XPA: variants seen among roughly 807,000 people sequenced by gnomAD.
The protein encoded by XPA is XPA, DNA damage recognition and repair factor.
XPA carries 27 observed loss-of-function variants against 35.7 expected under a neutral mutation model. That is an observed-to-expected ratio of 0.76 (90% CI 0.56 to 1.04). The LOEUF is 1.04. Among genes scored for constraint, XPA ranks in the 50% least tolerant of loss-of-function variants. The pLI, the probability that XPA is intolerant of heterozygous loss-of-function variation, is 0.00. For synonymous variants in XPA, 133 were observed against 118.4 expected (o/e 1.12, Z -0.80); for missense variants, 354 against 342.7 (o/e 1.03, Z -0.26).
At chr9:97,655,717 T>C in the XPA span, 2 of 1,612,676 alleles carry the variant, frequency 1.2e-6, no homozygotes, top group Non-Finnish European at 1.7e-6. Flanking sequence ...TTAATTGGTT[T>C]TCTCATCATC....
At chr9:97,689,024 GA>G (rs1310975584) in intron 3 of XPA, among the ~76,000 whole-genome samples, 3 of 152,152 alleles carry the variant, frequency 2.0e-5, no homozygotes, top group Admixed American at 6.5e-5. Flanking sequence ...AAAAAAAAAG[GA>G]TAAAGTCTAG....
intron 1 of XPA, among the ~76,000 whole-genome samples, chr9:97,694,122 T>G (rs1564050752): frequency 6.6e-6 from 1 of 152,212 alleles, no homozygotes; most frequent in Non-Finnish European, 1.5e-5. Flanking sequence ...AAAAAGGACT[T>G]AAATGGAGAA....
the XPA span, chr9:97,664,327 T>A: frequency 3.3e-6 from 5 of 1,531,424 alleles, no homozygotes; most frequent in Non-Finnish European, 4.5e-6. Flanking sequence ...CTTGAATAAT[T>A]CTCTCATTGT....
the XPA span, among the ~76,000 whole-genome samples, chr9:97,665,733 T>G: frequency 6.6e-6 from 1 of 152,150 alleles, no homozygotes; most frequent in Non-Finnish European, 1.5e-5. Context: ...ACAACAGGGG[T>G]TAGAGACACC....
chr9:97,655,112 T>G, the XPA span, among the ~76,000 whole-genome samples: 2 of 152,210 alleles, frequency 1.3e-5, no homozygotes, highest in Non-Finnish European at 2.9e-5. Context: ...TAACATTACG[T>G]TTTTTGATGT....
chr9:97,697,279 T>C lies in XPA; in HGVS notation c.14A>G (p.Asp5Gly). 6.3e-7 allele frequency: 1 copy of C among 1,598,530 alleles called. No homozygotes were observed. The highest frequency in any genetic ancestry group is 8.5e-7 in the Non-Finnish European group (1 of 1,179,186). ...AGCCGCCGCCTCCGGCAAAGCCCCG[T>C]CGGCCGCCGCCATCTCTGGCCCACT... The part of the protein sequence containing the change: MAAA[D>G]GALPEAAALE... Residue 5 changes from aspartate (D) to glycine (G), a missense_variant, in exon 1 of 6, where the codon GAC becomes GGC. Physicochemically the swap from Asp to Gly is moderately conservative, Grantham distance 94. Transcript: ENST00000375128.
chr9:97,685,005 T>C lies in XPA; in HGVS notation c.591A>G (p.Gln197=), dbSNP rs2131393352. 4 of 1,613,776 alleles carry C rather than the reference T, an allele frequency of 2.5e-6. No individual in the cohort carries two copies. Among genetic ancestry groups the C allele is most frequent in the Middle Eastern group, 1.7e-4 (1 of 6,058 alleles). Residue 197 remains glutamine (Q), a synonymous_variant, in exon 5 of 6, where the codon CAA becomes CAG. Transcript: ENST00000375128. ...VKRSLEVWGS[Q]EALEEAKEVR... is the part of the protein sequence containing the mutation. ...CTTCCTTTGCTTCTTCTAATGCTTCTTGACTACCCCAAACTTCAAGAGACC... is the reference window on the plus strand; with the variant it reads ...CTTCCTTTGCTTCTTCTAATGCTTCCTGACTACCCCAAACTTCAAGAGACC...
the XPA span, among the ~76,000 whole-genome samples, chr9:97,665,187 G>C: frequency 6.6e-6 from 1 of 152,198 alleles, no homozygotes; most frequent in Admixed American, 6.5e-5. Context: ...GAATTGTTAG[G>C]GTGATAGGGT....
At chr9:97,692,846 C>T (rs1219296883) in intron 2 of XPA, among the ~76,000 whole-genome samples, 1 of 151,974 alleles carries the variant, frequency 6.6e-6, no homozygotes, top group Non-Finnish European at 1.5e-5. Context: ...ATCCTGAAAC[C>T]ATCCCCAGCC....
chr9:97,694,464 A>G (rs776139504), intron 1 of XPA, among the ~76,000 whole-genome samples: 3 of 152,274 alleles, frequency 2.0e-5, no homozygotes, highest in Non-Finnish European at 4.4e-5. Flanking sequence ...AGATTTGAAC[A>G]GGCACTTCAC....
the XPA span, chr9:97,664,454 T>A: frequency 6.4e-7 from 1 of 1,554,606 alleles, no homozygotes; most frequent in Non-Finnish European, 8.9e-7. Flanking sequence ...GTAATATAAA[T>A]TATTTTATGA....
chr9:97,674,488 A>G (rs552720482), downstream of XPA, among the ~76,000 whole-genome samples: 5 of 152,356 alleles, frequency 3.3e-5, no homozygotes, highest in East Asian at 7.7e-4. Flanking sequence ...ATGTCATGTC[A>G]AACAATTTGA....
At chr9:97,671,276 C>A, downstream of XPA, 1 of 1,046,972 alleles carries the variant, frequency 9.6e-7, no homozygotes, top group Non-Finnish European at 1.4e-6. Flanking sequence ...GGTTTGAATG[C>A]TTGCTTTCTT....
chr9:97,666,375 T>C, the XPA span, among the ~76,000 whole-genome samples: 1 of 152,138 alleles, frequency 6.6e-6, no homozygotes, highest in Non-Finnish European at 1.5e-5. Context: ...AGTCTCAGGT[T>C]AGGTCACCAT....
chr9:97,690,260 GAGTGC>G (rs1828844773), intron 2 of XPA, among the ~76,000 whole-genome samples: 1 of 152,150 alleles, frequency 6.6e-6, no homozygotes. Context: ...ACCCAGGCTG[GAGTGC>G]AGTGGCACGA....
At chr9:97,679,994 A>G (rs1828486655) in intron 5 of XPA, among the ~76,000 whole-genome samples, 1 of 152,188 alleles carries the variant, frequency 6.6e-6, no homozygotes, top group Non-Finnish European at 1.5e-5. Context: ...GCACTGCAAA[A>G]TGTCAATGTC....
intron 3 of XPA, among the ~76,000 whole-genome samples, chr9:97,688,413 G>A (rs750913025): frequency 9.9e-5 from 15 of 152,040 alleles, no homozygotes; most frequent in East Asian, 3.8e-4. Context: ...GCTTGTATTC[G>A]GTCTACCTGG....
chr9:97,684,081 C>A (rs1828630967), intron 5 of XPA, among the ~76,000 whole-genome samples: 1 of 152,186 alleles, frequency 6.6e-6, no homozygotes, highest in Admixed American at 6.5e-5. Context: ...TGTGATAGAG[C>A]ACAAAGTGAC....
At chr9:97,655,079 A>G in the XPA span, 1 of 637,194 alleles carries the variant, frequency 1.6e-6, no homozygotes, top group Admixed American at 3.6e-5. Flanking sequence ...ACCTTTGTAT[A>G]ATAACCAGAC....
Sources: gnomAD v4.1 joint callset for allele counts (sites outside exome capture counted in the v4.1 genomes callset) on GRCh38, gnomAD v4.1.1 for gene constraint, MANE v1.5 for transcripts, NCBI Gene and HGNC (gene_info 2026-07-23, HGNC 2026-07-21) for gene names.